The following LRP1B variants were observed in gnomAD, a reference collection of about 807,000 sequenced individuals.
LRP1B encodes low-density lipoprotein receptor-related protein 1B.
A neutral mutation model predicts 556.6 loss-of-function variants in LRP1B; 217 were observed. That is an observed-to-expected ratio of 0.39 (90% CI 0.35 to 0.44). The LOEUF (loss-of-function observed/expected upper bound fraction) is 0.44, where lower values mean the gene tolerates loss of function less well. Ranked by LOEUF, LRP1B falls within the 20% of genes least tolerant of loss-of-function variation. LRP1B has a pLI of 1.00. For missense variants in LRP1B, 5,053 were observed against 5,620.8 expected, an observed-to-expected ratio of 0.90 and a Z score of 3.23; for synonymous variants, 2,047 against 1,865.8, an observed-to-expected ratio of 1.10 and a Z score of -2.50.
At chr2:141,837,801 A>G (rs2105755387) in intron 1 of LRP1B, among the ~76,000 whole-genome samples, 1 of 152,292 alleles carries the variant, frequency 6.6e-6, no homozygotes, top group Admixed American at 6.5e-5. Context: ...TGTGTGTAGT[A>G]TAGACTATTA....
chr2:140,432,421 C>G lies in LRP1B; in HGVS notation c.10414+10083G>C, dbSNP rs532671226. Among the ~76,000 whole-genome samples, 148 of 152,310 alleles carry G rather than the reference C, an allele frequency of 9.7e-4. 3 individuals carry two copies. The highest frequency in any genetic ancestry group is 3.0e-3 in the African/African-American group (123 of 41,574). ...AACATGAACATTTCCTCAAAAGAAA[C>G]TAACCAAATAATCAGAGTTCTGAGT... On this transcript the variant is annotated intron_variant, in intron 66 of 90. Coordinates refer to ENST00000389484, the MANE Select transcript of LRP1B (RefSeq NM_018557.3).
chr2:141,477,110 G>A (rs893379530), intron 3 of LRP1B, among the ~76,000 whole-genome samples: 10 of 147,386 alleles, frequency 6.8e-5, no homozygotes, highest in African/African-American at 2.5e-4. Flanking sequence ...GCAAAAGAGC[G>A]AAACTCCGTC....
At chr2:141,554,656 A>G (rs1685895443) in intron 2 of LRP1B, among the ~76,000 whole-genome samples, 1 of 151,926 alleles carries the variant, frequency 6.6e-6, no homozygotes, top group African/African-American at 2.4e-5. Flanking sequence ...TTTTAATGAT[A>G]TGTTTCTATG....
intron 11 of LRP1B, among the ~76,000 whole-genome samples, chr2:141,027,133 G>A (rs1194144627): frequency 6.6e-6 from 1 of 152,016 alleles, no homozygotes; most frequent in Admixed American, 6.6e-5. Context: ...AGAAGGGAGG[G>A]GAATAAAGCT....
At chr2:141,344,059 G>A (rs1473019957) in intron 3 of LRP1B, among the ~76,000 whole-genome samples, 1 of 151,974 alleles carries the variant, frequency 6.6e-6, no homozygotes, top group Non-Finnish European at 1.5e-5. Flanking sequence ...CTATCTTTCA[G>A]GAAACATTGC....
intron 65 of LRP1B, 103 bp from the exon 66 acceptor site, chr2:140,442,726 T>C (rs1686486114): frequency 8.7e-7 from 1 of 1,152,152 alleles, no homozygotes; most frequent in East Asian, 2.4e-5. Flanking sequence ...TCGAAAAATG[T>C]ATTGTCTTTA....
chr2:141,741,789 T>C (rs530888423), intron 2 of LRP1B, among the ~76,000 whole-genome samples: 5 of 152,188 alleles, frequency 3.3e-5, no homozygotes, highest in Admixed American at 6.5e-5. Context: ...AGAAGCTTTT[T>C]AACTTGATAT....
chr2:141,412,427 A>G (rs1465451580), intron 3 of LRP1B, among the ~76,000 whole-genome samples: 2 of 152,198 alleles, frequency 1.3e-5, no homozygotes, highest in Admixed American at 1.3e-4. Flanking sequence ...TGATAAATCC[A>G]AAGGTAACTT....
At chr2:140,976,201 T>A (rs1390039974) in intron 18 of LRP1B, among the ~76,000 whole-genome samples, 1 of 152,104 alleles carries the variant, frequency 6.6e-6, no homozygotes, top group Non-Finnish European at 1.5e-5. Flanking sequence ...ATAACAGGCA[T>A]GAGCCACCAT....
chr2:141,837,234 G>A (rs1343582546), intron 1 of LRP1B, among the ~76,000 whole-genome samples: 1 of 152,008 alleles, frequency 6.6e-6, no homozygotes, highest in Non-Finnish European at 1.5e-5. Context: ...ATAGTAAGGA[G>A]AGAGTCATCA....
chr2:140,247,078 A>G lies in LRP1B; in HGVS notation c.13324+8T>C, dbSNP rs1204689793. 6 of 1,603,634 alleles carry G rather than the reference A, an allele frequency of 3.7e-6. No homozygotes were observed. Among genetic ancestry groups the G allele is most frequent in the African/African-American group, 2.7e-5 (2 of 74,498 alleles). ...AGATTACCCAAAATATTAATCTGAG[A>G]AACTTACTTGTGCTGATATGATCAG... On this transcript the variant is annotated splice_region_variant and intron_variant, in intron 87 of 90. Coordinates refer to ENST00000389484, the MANE Select transcript of LRP1B (RefSeq NM_018557.3).
chr2:141,939,925 A>G (rs1574511248), intron 1 of LRP1B, among the ~76,000 whole-genome samples: 1 of 152,156 alleles, frequency 6.6e-6, no homozygotes, highest in South Asian at 2.1e-4. Flanking sequence ...GCTTATGAAA[A>G]TGATTAATTT....
At chr2:141,782,514 C>CTTTTTTTTTT (rs5834867) in intron 2 of LRP1B, among the ~76,000 whole-genome samples, 6 of 97,864 alleles carry the variant, frequency 6.1e-5, no homozygotes, top group African/African-American at 1.3e-4. Flanking sequence ...TTCTATTTTC[C>CTTTTTTTTTT]TTTTTTTTTT....
intron 59 of LRP1B, among the ~76,000 whole-genome samples, chr2:140,479,151 A>G (rs1256221238): frequency 1.3e-5 from 2 of 152,088 alleles, no homozygotes; most frequent in Non-Finnish European, 2.9e-5. Flanking sequence ...TTGTCTCTCA[A>G]TAAGTGGTAG....
chr2:140,859,872 G>C (rs1339830477), intron 27 of LRP1B, among the ~76,000 whole-genome samples: 1 of 152,026 alleles, frequency 6.6e-6, no homozygotes, highest in African/African-American at 2.4e-5. Context: ...GCGGACACCT[G>C]TAGTCCCAGC....
chr2:141,598,412 A>G, intron 2 of LRP1B, among the ~76,000 whole-genome samples: 1 of 152,162 alleles, frequency 6.6e-6, no homozygotes, highest in East Asian at 1.9e-4. Context: ...TTAGAGCTTG[A>G]TTAAAAAACT....
At chr2:140,490,514 A>G (rs1329694577) in intron 57 of LRP1B, among the ~76,000 whole-genome samples, 3 of 152,080 alleles carry the variant, frequency 2.0e-5, no homozygotes, top group African/African-American at 4.8e-5. Context: ...GCTGCACATA[A>G]AAGTTCCAAA....
intron 1 of LRP1B, among the ~76,000 whole-genome samples, chr2:141,880,166 A>G (rs1197010981): frequency 1.3e-5 from 2 of 152,012 alleles, no homozygotes; most frequent in Non-Finnish European, 2.9e-5. Flanking sequence ...CGATCCATCA[A>G]GGGCCAAGTC....
At chr2:141,037,510 C>T (rs1574006397) in intron 11 of LRP1B, among the ~76,000 whole-genome samples, 2 of 151,884 alleles carry the variant, frequency 1.3e-5, no homozygotes, top group Non-Finnish European at 2.9e-5. Context: ...CAGAATGTCT[C>T]ACTTCTGGCT....
Sources: gnomAD v4.1 joint callset for allele counts (sites outside exome capture counted in the v4.1 genomes callset) on GRCh38, gnomAD v4.1.1 for gene constraint, MANE v1.5 for transcripts, NCBI Gene and HGNC (gene_info 2026-07-23, HGNC 2026-07-21) for gene names.